The following DNAH7 variants were observed in gnomAD, a reference collection of about 807,000 sequenced individuals.
DNAH7 encodes axonemal beta dynein heavy chain 7.
In DNAH7, 397 loss-of-function variants were observed where a neutral mutation model predicts 444.6. That is an observed-to-expected ratio of 0.89 (90% CI 0.82 to 0.97). The LOEUF (loss-of-function observed/expected upper bound fraction) is 0.97. Ranked by LOEUF, DNAH7 falls within the 50% of genes least tolerant of loss-of-function variation. The pLI is 0.00. For missense variants in DNAH7, 4,902 were observed against 4,800.8 expected, an observed-to-expected ratio of 1.02 and a Z score of -0.62; for synonymous variants, 1,636 against 1,624.4, an observed-to-expected ratio of 1.01 and a Z score of -0.17.
chr2:195,994,103 G>A (rs957121921), intron 12 of DNAH7, among the ~76,000 whole-genome samples: 1 of 152,180 alleles, frequency 6.6e-6, no homozygotes, highest in African/African-American at 2.4e-5. Context: ...TCATTAAAAT[G>A]TCAGCTTTCT....
At chr2:195,964,298 G>A (rs886622019) in intron 17 of DNAH7, among the ~76,000 whole-genome samples, 11 of 152,038 alleles carry the variant, frequency 7.2e-5, no homozygotes, top group African/African-American at 2.4e-4. Context: ...ACCTTTTTAT[G>A]TGTCACCTTC....
intron 48 of DNAH7, among the ~76,000 whole-genome samples, chr2:195,828,359 C>T (rs970319364): frequency 2.0e-5 from 3 of 151,954 alleles, no homozygotes; most frequent in South Asian, 2.1e-4. Context: ...CCGAGGCGGG[C>T]GGATCATGAG....
chr2:195,801,000 T>C (rs1002889921), intron 54 of DNAH7, among the ~76,000 whole-genome samples: 5 of 152,196 alleles, frequency 3.3e-5, no homozygotes, highest in African/African-American at 9.6e-5. Flanking sequence ...ATGGAATGAA[T>C]TGAAGAATTA....
At chr2:195,986,404 T>C (rs1313573327) in intron 14 of DNAH7, among the ~76,000 whole-genome samples, 1 of 152,226 alleles carries the variant, frequency 6.6e-6, no homozygotes, top group African/African-American at 2.4e-5. Flanking sequence ...GATCTGTTTT[T>C]TTCTCTGATA....
chr2:195,921,630 C>A (rs1688032299), intron 24 of DNAH7, among the ~76,000 whole-genome samples: 1 of 152,124 alleles, frequency 6.6e-6, no homozygotes, highest in South Asian at 2.1e-4. Context: ...AAAGACTACA[C>A]ATTGGGTACA....
At chr2:195,992,690 ATGGAT>A (rs1403293822) in intron 12 of DNAH7, among the ~76,000 whole-genome samples, 1 of 152,200 alleles carries the variant, frequency 6.6e-6, no homozygotes, top group African/African-American at 2.4e-5. Context: ...TATCCAAAAA[ATGGAT>A]TGAAGGTACT....
intron 51 of DNAH7, among the ~76,000 whole-genome samples, chr2:195,815,152 TTTCTA>T (rs970613926): frequency 5.9e-5 from 9 of 152,036 alleles, no homozygotes; most frequent in Admixed American, 2.0e-4. Context: ...GCTGGGAACT[TTTCTA>T]AGAAAGATCA....
intron 46 of DNAH7, among the ~76,000 whole-genome samples, chr2:195,845,954 A>G (rs952123727): frequency 6.6e-6 from 1 of 152,256 alleles, no homozygotes; most frequent in Admixed American, 6.5e-5. Context: ...CCTGGCCAAG[A>G]TTAAATGGCA....
chr2:196,022,309 T>C (rs1283775434), intron 8 of DNAH7, among the ~76,000 whole-genome samples: 1 of 152,204 alleles, frequency 6.6e-6, no homozygotes, highest in Admixed American at 6.5e-5. Context: ...ACATCCTCAA[T>C]TGACTCTTCT....
intron 63 of DNAH7, among the ~76,000 whole-genome samples, chr2:195,751,462 A>G (rs886962220): frequency 7.2e-5 from 11 of 152,334 alleles, no homozygotes; most frequent in African/African-American, 2.6e-4. Flanking sequence ...TCAAGAAAGA[A>G]TGGTGCAGAC....
At chr2:195,785,298 T>G (rs1476314839) in intron 58 of DNAH7, among the ~76,000 whole-genome samples, 3 of 152,196 alleles carry the variant, frequency 2.0e-5, no homozygotes, top group Non-Finnish European at 4.4e-5. Context: ...CTTTTTCGGA[T>G]ACGTCTTTTA....
Position 195,876,749 on chromosome 2 carries a change from A to C in DNAH7, c.5962-50T>G, listed in dbSNP as rs763517115. 2.4e-5 allele frequency: 32 copies of C among 1,318,712 alleles called. 2 individuals carry two copies. In the Admixed American group the frequency reaches 5.8e-4, roughly 24 times the overall value. 81.7% of individuals were successfully genotyped at this position (1,318,712 alleles called of 1,614,324 possible). A position where few individuals can be genotyped will look rare whatever the true frequency, so the allele number is the denominator to read the frequency against. ...GCCATAGTTGGAATTATGTTTTGAC[A>C]TTTCAGAATAAACACTAAGCATCAT... On this transcript the variant is annotated intron_variant, in intron 36 of 64. Transcript: ENST00000312428.
chr2:196,000,769 A>G lies in DNAH7; in HGVS notation c.1288T>C (p.Tyr430His). 7 of 1,599,534 alleles carry G rather than the reference A, an allele frequency of 4.4e-6. No individual in the cohort carries two copies. The highest frequency in any genetic ancestry group is 5.1e-6 in the Non-Finnish European group (6 of 1,172,310). Residue 430 changes from tyrosine to histidine, a missense_variant, in exon 12 of 65, where the codon TAT becomes CAT. Transcript: ENST00000312428. ...CTGACAGCTTTAATCATGACGTCAT[A>G]AACATTTAGAAAGATATCTATATAG... ...SDYIDIFLNV[Y>H]DVMIKAVSFV...
chr2:195,778,643 A>ATATATAT (rs1336691686), intron 58 of DNAH7, among the ~76,000 whole-genome samples: 1 of 56,254 alleles, frequency 1.8e-5, no homozygotes, highest in South Asian at 6.3e-4. Flanking sequence ...TAAATAAATA[A>ATATATAT]ATATATATAT....
intron 42 of DNAH7, among the ~76,000 whole-genome samples, chr2:195,859,545 T>TA (rs1295651036): frequency 6.6e-6 from 1 of 152,130 alleles, no homozygotes; most frequent in African/African-American, 2.4e-5. Context: ...TGTCTCCAAG[T>TA]AAAAAAATGA....
rs779212535 is a variant in DNAH7 at position 195,957,244 on chromosome 2, G to C, written c.3078+17C>G. 6.8e-7 allele frequency: 1 copy of C among 1,469,318 alleles called. No individual in the cohort carries two copies. Among genetic ancestry groups the C allele is most frequent in the Non-Finnish European group, 9.1e-7 (1 of 1,096,964 alleles). 91.0% of individuals were successfully genotyped at this position (1,469,318 alleles called of 1,614,324 possible). On this transcript the variant is annotated intron_variant, in intron 19 of 64. Transcript: ENST00000312428. ...CTTCAACCAAATAATGACATTTTTG[G>C]AGATTTTTTCACCTACCTGCATGAC...
chr2:195,994,639 G>A, intron 12 of DNAH7: 6 of 504,326 alleles, frequency 1.2e-5, no homozygotes, highest in Non-Finnish European at 1.6e-5. Flanking sequence ...AAATGTATCT[G>A]TAGGCTCTCT....
intron 1 of DNAH7, chr2:196,064,085 G>A (rs1698282911): frequency 1.3e-5 from 2 of 152,216 alleles, no homozygotes; most frequent in Non-Finnish European, 2.9e-5. Context: ...GGGAGGCTGA[G>A]GCAGGCGGAT....
intron 44 of DNAH7, 94 bp from the exon 45 acceptor site, chr2:195,856,085 C>T: frequency 8.9e-7 from 1 of 1,118,082 alleles, no homozygotes; most frequent in Non-Finnish European, 1.2e-6. Flanking sequence ...CTTACTATAA[C>T]TGAAAACACT....
Sources: gnomAD v4.1 joint callset for allele counts (sites outside exome capture counted in the v4.1 genomes callset) on GRCh38, gnomAD v4.1.1 for gene constraint, MANE v1.5 for transcripts, NCBI Gene and HGNC (gene_info 2026-07-23, HGNC 2026-07-21) for gene names.